Variants in CSMD1 observed in about 807,000 individuals in gnomAD.
CSMD1 encodes CUB and sushi domain-containing protein 1.
Under a neutral mutation model 417.5 loss-of-function variants are expected in CSMD1, and 213 were observed. That is an observed-to-expected ratio of 0.51 (90% CI 0.46 to 0.57). CSMD1 has a LOEUF of 0.57. Ranked by LOEUF, CSMD1 falls within the 20% of genes least tolerant of loss-of-function variation. The pLI, the probability that CSMD1 is intolerant of heterozygous loss-of-function variation, is 0.00. For synonymous variants in CSMD1, 2,862 were observed against 1,736.8 expected (o/e 1.65, Z -16.11); for missense variants, 6,923 against 4,529.7 (o/e 1.53, Z -15.17).
chr8:4,737,510 A>G (rs959429193), intron 1 of CSMD1, among the ~76,000 whole-genome samples: 2 of 152,188 alleles, frequency 1.3e-5, no homozygotes, highest in Non-Finnish European at 2.9e-5. Context: ...AAAAAAAAAC[A>G]TAAAACATCA....
intron 27 of CSMD1, among the ~76,000 whole-genome samples, chr8:3,228,583 T>A (rs1260045912): frequency 1.3e-5 from 2 of 152,196 alleles, no homozygotes; most frequent in Non-Finnish European, 2.9e-5. Context: ...GACTACCTAG[T>A]GGCTGGTCAA....
intron 2 of CSMD1, among the ~76,000 whole-genome samples, chr8:4,529,083 A>G (rs751443255): frequency 2.6e-5 from 4 of 152,194 alleles, no homozygotes; most frequent in Non-Finnish European, 5.9e-5. Flanking sequence ...ATCAGAGGAT[A>G]AAGAACTCTC....
In CSMD1 at chr8:4,271,116, C is replaced by A. The variant is rs552083665; in HGVS notation, c.415+148837G>T. ...AAGTCCACTCCTTTTATTATTTCCTCATTCTGCCTGGAGCTTACTCTGAAT... is the reference window on the plus strand; with the variant it reads ...AAGTCCACTCCTTTTATTATTTCCTAATTCTGCCTGGAGCTTACTCTGAAT... On this transcript the variant is annotated intron_variant, in intron 3 of 69. Transcript: ENST00000635120. Among the ~76,000 whole-genome samples the A allele has an allele frequency of 3.9e-5, 6 of 152,316 alleles. No individual in the cohort carries two copies. The South Asian group carries it at 1.2e-3, about 32-fold the overall frequency.
chr8:4,437,556 G>A (rs921535071), intron 2 of CSMD1, among the ~76,000 whole-genome samples: 7 of 152,182 alleles, frequency 4.6e-5, no homozygotes, highest in Admixed American at 1.3e-4. Flanking sequence ...AGTTTCTGCA[G>A]ATATCTTGAG....
chr8:4,810,791 CAATAT>C (rs1450853370), intron 1 of CSMD1, among the ~76,000 whole-genome samples: 4 of 151,994 alleles, frequency 2.6e-5, no homozygotes, highest in Non-Finnish European at 5.9e-5. Flanking sequence ...CGCATATCAC[CAATAT>C]AATAAATCAT....
intron 2 of CSMD1, among the ~76,000 whole-genome samples, chr8:4,561,621 G>T (rs551287032): frequency 2.6e-5 from 4 of 152,122 alleles, no homozygotes; most frequent in African/African-American, 4.8e-5. Context: ...GATTGAGGCC[G>T]CAGTGAGCCA....
chr8:3,298,065 A>G (rs531647805), intron 25 of CSMD1, among the ~76,000 whole-genome samples: 1 of 152,310 alleles, frequency 6.6e-6, no homozygotes, highest in South Asian at 2.1e-4. Flanking sequence ...GAATGGCTAA[A>G]ATGAAAAAAC....
intron 3 of CSMD1, among the ~76,000 whole-genome samples, chr8:4,392,794 C>G (rs1215016805): frequency 6.6e-6 from 1 of 151,556 alleles, no homozygotes; most frequent in Non-Finnish European, 1.5e-5. Flanking sequence ...ATGGTGAAAC[C>G]CCATCTCTAG....
chr8:3,038,933 A>G (rs1810882617), intron 50 of CSMD1, among the ~76,000 whole-genome samples: 1 of 152,168 alleles, frequency 6.6e-6, no homozygotes, highest in Admixed American at 6.5e-5. Context: ...AGCAGTTGGC[A>G]TCTGAGCTGG....
intron 1 of CSMD1, among the ~76,000 whole-genome samples, chr8:4,852,941 AT>A (rs1414362687): frequency 2.0e-5 from 3 of 152,150 alleles, no homozygotes; most frequent in African/African-American, 7.2e-5. Flanking sequence ...GGCAGAAGGA[AT>A]TTCTAAGCAG....
intron 2 of CSMD1, among the ~76,000 whole-genome samples, chr8:4,476,433 G>C (rs563228741): frequency 6.6e-6 from 1 of 152,194 alleles, no homozygotes; most frequent in East Asian, 1.9e-4. Flanking sequence ...TTTAAATGTA[G>C]TCATATATAC....
intron 49 of CSMD1, among the ~76,000 whole-genome samples, chr8:3,082,483 C>T (rs963602191): frequency 6.6e-6 from 1 of 152,180 alleles, no homozygotes; most frequent in Admixed American, 6.5e-5. Context: ...TCCATTCCTG[C>T]TGACTATCAT....
intron 3 of CSMD1, among the ~76,000 whole-genome samples, chr8:4,356,294 C>G (rs1030379603): frequency 1.3e-5 from 2 of 151,658 alleles, no homozygotes; most frequent in African/African-American, 4.9e-5. Context: ...TTCATTCATT[C>G]CTTATTATGG....
intron 5 of CSMD1, among the ~76,000 whole-genome samples, chr8:3,990,642 C>T (rs138644881): frequency 3.3e-5 from 5 of 152,152 alleles, no homozygotes; most frequent in East Asian, 1.9e-4. Flanking sequence ...TTACTTAACC[C>T]GAATTAAAGG....
At chr8:3,814,962 T>C (rs577811218) in intron 5 of CSMD1, among the ~76,000 whole-genome samples, 6 of 152,282 alleles carry the variant, frequency 3.9e-5, no homozygotes, top group East Asian at 1.9e-4. Context: ...AAAATGATCT[T>C]TGAAAGACAA....
chr8:4,724,695 C>T (rs1384024753), intron 1 of CSMD1, among the ~76,000 whole-genome samples: 1 of 151,944 alleles, frequency 6.6e-6, no homozygotes, highest in Non-Finnish European at 1.5e-5. Context: ...TATTGAACAC[C>T]ATTCTAAAAG....
chr8:3,684,988 A>C (rs1485405397), intron 7 of CSMD1, among the ~76,000 whole-genome samples: 1 of 152,182 alleles, frequency 6.6e-6, no homozygotes, highest in East Asian at 1.9e-4. Flanking sequence ...TCAATACGGG[A>C]ATCAATATTT....
intron 1 of CSMD1, among the ~76,000 whole-genome samples, chr8:4,858,682 A>G (rs1801950592): frequency 6.6e-6 from 1 of 151,252 alleles, no homozygotes; most frequent in South Asian, 2.1e-4. Flanking sequence ...CAAAGAGAAT[A>G]AAATACCTAG....
intron 46 of CSMD1, among the ~76,000 whole-genome samples, chr8:3,100,140 C>T (rs999953498): frequency 2.0e-5 from 3 of 152,148 alleles, no homozygotes; most frequent in African/African-American, 7.2e-5. Context: ...CAGCCTTGAC[C>T]TCCCAGGCTC....
Sources: allele counts gnomAD v4.1 joint callset (sites outside exome capture counted in the v4.1 genomes callset), GRCh38; gene constraint gnomAD v4.1.1; transcripts MANE v1.5; gene names NCBI Gene and HGNC (gene_info 2026-07-23, HGNC 2026-07-21).